Variants in PIP4K2A observed in about 807,000 individuals in gnomAD.
The protein encoded by PIP4K2A is phosphatidylinositol-5-phosphate 4-kinase type 2 alpha.
In PIP4K2A, 14 loss-of-function variants were observed where a neutral mutation model predicts 42.9. That is an observed-to-expected ratio of 0.33 (90% CI 0.22 to 0.51). PIP4K2A has a LOEUF of 0.51. Among genes scored for constraint, PIP4K2A ranks in the 20% least tolerant of loss-of-function variants. The pLI is 0.97. For missense variants in PIP4K2A, 434 were observed against 519.8 expected, an observed-to-expected ratio of 0.83 and a Z score of 1.61; for synonymous variants, 192 against 192.2, an observed-to-expected ratio of 1.00 and a Z score of 0.01.
intron 1 of PIP4K2A, among the ~76,000 whole-genome samples, chr10:22,664,208 T>TATATATATAC (rs1564460344): frequency 8.0e-5 from 5 of 62,474 alleles, no homozygotes; most frequent in South Asian, 4.6e-4. Flanking sequence ...TATATACATA[T>TATATATATAC]ATATATATAC....
chr10:22,550,119 T>C lies in PIP4K2A; in HGVS notation c.792+540A>G, dbSNP rs556220304. Among the ~76,000 whole-genome samples, 17 of 152,262 alleles carry C rather than the reference T, an allele frequency of 1.1e-4. No homozygotes were observed. The South Asian group carries it at 1.2e-3, about 11-fold the overall frequency. On this transcript the variant is annotated intron_variant, in intron 7 of 9. Coordinates refer to ENST00000376573, the MANE Select transcript of PIP4K2A (RefSeq NM_005028.5). ...GACCTAGTATCCCAAGCTGCCCCTG[T>C]GCTAGTCCCACAATGTGTAAGGGGG...
intron 5 of PIP4K2A, among the ~76,000 whole-genome samples, chr10:22,568,761 A>T (rs189341538): frequency 2.0e-5 from 3 of 152,218 alleles, no homozygotes; most frequent in African/African-American, 4.8e-5. Flanking sequence ...AAAAGCTGGG[A>T]AACAAATGGT....
chr10:22,612,983 C>T (rs1838090982), intron 1 of PIP4K2A, among the ~76,000 whole-genome samples: 2 of 152,084 alleles, frequency 1.3e-5, no homozygotes, highest in African/African-American at 4.8e-5. Context: ...GGCGGAGAAG[C>T]AGTCTTCAAG....
intron 1 of PIP4K2A, among the ~76,000 whole-genome samples, chr10:22,643,653 G>A (rs764079693): frequency 4.1e-4 from 63 of 152,026 alleles, no homozygotes; most frequent in Non-Finnish European, 8.2e-4. Flanking sequence ...TTAACCTAAC[G>A]CTGAACCTTT....
At chr10:22,614,891 T>A (rs935059276) in intron 1 of PIP4K2A, among the ~76,000 whole-genome samples, 3 of 152,234 alleles carry the variant, frequency 2.0e-5, no homozygotes, top group African/African-American at 7.2e-5. Flanking sequence ...AGCTCCCAGA[T>A]TGAAGAAGGC....
rs561260086 is a variant in PIP4K2A at position 22,698,310 on chromosome 10, T to TGAAAGCAGAAGATGTGG, written c.144+15856_144+15872dup. On this transcript the variant is annotated intron_variant, in intron 1 of 9. Coordinates refer to ENST00000376573, the MANE Select transcript of PIP4K2A (RefSeq NM_005028.5). The stretch of plus-strand genomic sequence containing the variant: ...ATCTTTGCTGTTCAATTTAGAACCC[T>TGAAAGCAGAAGATGTGG]GAAAGCAGAAGATGTGGGAAAGCAG... Among the ~76,000 whole-genome samples, 20 of 152,328 alleles carry TGAAAGCAGAAGATGTGG rather than the reference T, an allele frequency of 1.3e-4. No homozygotes were observed. In the South Asian group the frequency reaches 3.5e-3, roughly 27 times the overall value.
chr10:22,704,496 A>G (rs1441969926), intron 1 of PIP4K2A, among the ~76,000 whole-genome samples: 2 of 152,030 alleles, frequency 1.3e-5, no homozygotes, highest in Admixed American at 6.6e-5. Context: ...CACTCCTGCT[A>G]TGAAAAGGAA....
intron 6 of PIP4K2A, among the ~76,000 whole-genome samples, chr10:22,561,708 G>A (rs1190026502): frequency 6.6e-6 from 1 of 150,962 alleles, no homozygotes; most frequent in Non-Finnish European, 1.5e-5. Context: ...GGCCACAAGT[G>A]TGCACCACCA....
chr10:22,697,138 T>TA (rs5783807), intron 1 of PIP4K2A, among the ~76,000 whole-genome samples: 151 of 142,586 alleles, frequency 1.1e-3, no homozygotes, highest in East Asian at 4.9e-3. Context: ...TCCTTCAGCT[T>TA]AAAAAAAAAA....
chr10:22,620,555 T>C (rs746273319), intron 1 of PIP4K2A, among the ~76,000 whole-genome samples: 4 of 152,246 alleles, frequency 2.6e-5, no homozygotes, highest in Non-Finnish European at 4.4e-5. Context: ...TTGGCCCAGA[T>C]AGTGATTTAG....
At chr10:22,559,056 C>T (rs1043887639) in intron 6 of PIP4K2A, among the ~76,000 whole-genome samples, 8 of 152,116 alleles carry the variant, frequency 5.3e-5, no homozygotes, top group Non-Finnish European at 1.0e-4. Flanking sequence ...ATAGGACCTA[C>T]GGGATGGCTT....
At chr10:22,714,150 G>C (rs550114802) in intron 1 of PIP4K2A, 33 bp downstream of exon 1, 4 of 1,583,108 alleles carry the variant, frequency 2.5e-6, no homozygotes, top group Non-Finnish European at 2.6e-6. Flanking sequence ...GGAGGAGGAG[G>C]AAGGGGACCG....
intron 3 of PIP4K2A, among the ~76,000 whole-genome samples, chr10:22,594,850 T>C (rs1462734400): frequency 6.6e-6 from 1 of 152,254 alleles, no homozygotes; most frequent in Non-Finnish European, 1.5e-5. Context: ...GATTAGGATA[T>C]CAGCCATGTC....
intron 4 of PIP4K2A, among the ~76,000 whole-genome samples, chr10:22,582,589 T>G (rs1837304423): frequency 6.6e-6 from 1 of 152,202 alleles, no homozygotes; most frequent in South Asian, 2.1e-4. Context: ...TGTAAAGTCT[T>G]GTTTCATTTA....
chr10:22,637,648 GGCAAACA>G (rs1462539963), intron 1 of PIP4K2A, among the ~76,000 whole-genome samples: 8 of 152,148 alleles, frequency 5.3e-5, no homozygotes, highest in Non-Finnish European at 1.2e-4. Context: ...TCATCCAGGT[GGCAAACA>G]GCACAAAGCA....
At chr10:22,598,229 G>A (rs191144160) in intron 3 of PIP4K2A, among the ~76,000 whole-genome samples, 290 of 152,188 alleles carry the variant, frequency 1.9e-3, no homozygotes, top group South Asian at 0.013. Flanking sequence ...GTGGTGGTGC[G>A]TGCCTGTAGT....
At chr10:22,578,095 A>T (rs1448311561) in intron 4 of PIP4K2A, among the ~76,000 whole-genome samples, 1 of 152,258 alleles carries the variant, frequency 6.6e-6, no homozygotes, top group East Asian at 1.9e-4. Flanking sequence ...AAAATGATGC[A>T]AATGTGGTAA....
intron 4 of PIP4K2A, among the ~76,000 whole-genome samples, chr10:22,586,076 C>G (rs1400198909): frequency 6.6e-6 from 1 of 152,154 alleles, no homozygotes; most frequent in African/African-American, 2.4e-5. Context: ...AGTTAATCAA[C>G]TGATAATCAT....
intron 4 of PIP4K2A, among the ~76,000 whole-genome samples, chr10:22,575,107 A>G (rs1220368876): frequency 6.6e-6 from 1 of 152,160 alleles, no homozygotes; most frequent in African/African-American, 2.4e-5. Flanking sequence ...CCTAATTCCT[A>G]CCTTGAAGGT....
Sources: gnomAD v4.1 joint callset for allele counts (sites outside exome capture counted in the v4.1 genomes callset) on GRCh38, gnomAD v4.1.1 for gene constraint, MANE v1.5 for transcripts, NCBI Gene and HGNC (gene_info 2026-07-23, HGNC 2026-07-21) for gene names.